Variants in TP53I3 observed in about 807,000 individuals in gnomAD.
TP53I3 encodes tumor protein p53 inducible protein 3.
A neutral mutation model predicts 27.7 loss-of-function variants in TP53I3; 32 were observed. The ratio of observed to expected loss-of-function variants is 1.16; its 90% CI spans 0.87 to 1.55. The LOEUF (loss-of-function observed/expected upper bound fraction) is 1.55, where lower values mean the gene tolerates loss of function less well. TP53I3 is among the 40% of genes most tolerant of loss of function. TP53I3 has a pLI of 0.00. For missense variants in TP53I3, 372 were observed against 412.3 expected, an observed-to-expected ratio of 0.90 and a Z score of 0.85; for synonymous variants, 138 against 167.8, an observed-to-expected ratio of 0.82 and a Z score of 1.37.
chr2:24,080,994 T>G lies in TP53I3; in HGVS notation c.444A>C (p.Ala148=). The change falls in exon 3 of 5, where the codon GCA becomes GCC. Residue 148 remains alanine (A), a synonymous_variant. Coordinates refer to ENST00000238721, the MANE Select transcript of TP53I3 (RefSeq NM_004881.5). This position sits in a 1 kb window ranked among gnomAD's most constrained non-coding sequence, Gnocchi z 4.7. ...VQAGDYVLIH[A]GLSGVGTAAI... ...CAGCTGTGCCCACACCACTCAGTCC[T>G]GCATGGATTAGCACATAGTCTCCAG... 1 of 1,614,216 alleles carries G rather than the reference T, an allele frequency of 6.2e-7. No homozygotes were observed. Among genetic ancestry groups the G allele is most frequent in the South Asian group, 1.1e-5 (1 of 91,088 alleles).
chr2:24,082,869 A>G lies in TP53I3; in HGVS notation c.406+16T>C. 6.3e-7 allele frequency: 1 copy of G among 1,593,542 alleles called. No homozygotes were observed. The highest frequency in any genetic ancestry group is 8.6e-7 in the Non-Finnish European group (1 of 1,168,210). On this transcript the variant is annotated intron_variant, in intron 2 of 4. Coordinates refer to ENST00000238721, the MANE Select transcript of TP53I3 (RefSeq NM_004881.5). Reference sequence around the variant, plus strand: ...TTGAGCCACATTGTGTGGAGTGAGCATGGAGGCCTCCTCACCCACAAGATG... The same window carrying G: ...TTGAGCCACATTGTGTGGAGTGAGCGTGGAGGCCTCCTCACCCACAAGATG...
At position 24,080,647 on chromosome 2, in the gene TP53I3, T is replaced by C. The variant is rs1182689467; in HGVS notation, c.619+172A>G. 2 of 715,532 alleles carry C rather than the reference T, an allele frequency of 2.8e-6. No homozygotes were observed. The highest frequency in any genetic ancestry group is 4.9e-5 in the East Asian group (2 of 40,438). 44.3% of individuals were successfully genotyped at this position (715,532 alleles called of 1,614,324 possible). A position where few individuals can be genotyped will look rare whatever the true frequency, so the allele number is the denominator to read the frequency against. ...ATGGAAACCATCTTAGATTTAAATA[T>C]GACTGCCTGTCTCCAGTGGTCAAAT... On this transcript the variant is annotated intron_variant, in intron 3 of 4. Coordinates refer to ENST00000238721, the MANE Select transcript of TP53I3 (RefSeq NM_004881.5). The surrounding 1 kb of genome is among the most constrained non-coding windows in gnomAD (Gnocchi z 4.7).
chr2:24,080,651 T>G lies in TP53I3; in HGVS notation c.619+168A>C. ...AAACCATCTTAGATTTAAATATGAC[T>G]GCCTGTCTCCAGTGGTCAAATACCA... On this transcript the variant is annotated intron_variant, in intron 3 of 4. Coordinates refer to ENST00000238721, the MANE Select transcript of TP53I3 (RefSeq NM_004881.5). The surrounding 1 kb of genome is among the most constrained non-coding windows in gnomAD (Gnocchi z 4.7). 1 of 723,774 alleles carries G rather than the reference T, an allele frequency of 1.4e-6. No homozygotes were observed. Among genetic ancestry groups the G allele is most frequent in the Non-Finnish European group, 2.4e-6 (1 of 412,298 alleles). 44.8% of individuals were successfully genotyped at this position (723,774 alleles called of 1,614,324 possible). A position where few individuals can be genotyped will look rare whatever the true frequency, so the allele number is the denominator to read the frequency against.
intron 2 of TP53I3, among the ~76,000 whole-genome samples, chr2:24,082,036 C>G (rs903331893): frequency 6.6e-6 from 1 of 152,128 alleles, no homozygotes; most frequent in African/African-American, 2.4e-5. Context: ...ACTCTACTGC[C>G]CAGGCTGGAG....
At chr2:24,081,816 T>C (rs10153901) in intron 2 of TP53I3, among the ~76,000 whole-genome samples, 18,049 of 150,006 alleles carry the variant, frequency 0.12, 1,250 homozygotes, top group South Asian at 0.18. Flanking sequence ...TTGCCTCAGC[T>C]TCCTGAGTAG....
rs370432179 is a variant in TP53I3 at position 24,082,951 on chromosome 2, T to C, written c.340A>G (p.Thr114Ala). The C allele has an allele frequency of 6.2e-7, 1 of 1,613,934 alleles. No homozygotes were observed. Among genetic ancestry groups the C allele is most frequent in the Non-Finnish European group, 8.5e-7 (1 of 1,180,000 alleles). ...GLLMPIPEGL[T>A]LTQAAAIPEA... ...GGGATGGCTGCAGCCTGGGTCAGGG[T>C]CAATCCCTCTGGGATAGGCATGAGG... The change falls in exon 2 of 5, where the codon ACC becomes GCC. Residue 114 changes from threonine (T) to alanine (A), a missense_variant. Coordinates refer to ENST00000238721, the MANE Select transcript of TP53I3 (RefSeq NM_004881.5).
In TP53I3 at chr2:24,077,793, G is replaced by C. The variant is rs1454765992; in HGVS notation, c.817-32C>G. ...CAAGGGAAAGGAGATCATCAGCCTGGGGAGAGAGCCTCACCCTGCCCTCCT... is the reference window on the plus strand; with the variant it reads ...CAAGGGAAAGGAGATCATCAGCCTGCGGAGAGAGCCTCACCCTGCCCTCCT... On this transcript the variant is annotated intron_variant, in intron 4 of 4. Coordinates refer to ENST00000238721, the MANE Select transcript of TP53I3 (RefSeq NM_004881.5). This position sits in a 1 kb window ranked among gnomAD's most constrained non-coding sequence, Gnocchi z 5.5. 1.3e-6 allele frequency: 2 copies of C among 1,593,238 alleles called. No individual in the cohort carries two copies. Among genetic ancestry groups the C allele is most frequent in the South Asian group, 1.1e-5 (1 of 87,720 alleles).
intron 3 of TP53I3, among the ~76,000 whole-genome samples, chr2:24,079,925 AC>A (rs968433862): frequency 3.3e-5 from 5 of 152,348 alleles, no homozygotes; most frequent in African/African-American, 1.2e-4. Context: ...TCCCACTGAC[AC>A]CCAGGCACGA....
intron 4 of TP53I3, among the ~76,000 whole-genome samples, chr2:24,078,480 T>TAA (rs36089798): frequency 1.5e-3 from 153 of 104,902 alleles, no homozygotes; most frequent in African/African-American, 5.1e-3. Flanking sequence ...CCTGTCTCCA[T>TAA]AAAAAAAAAA....
rs1237620970 is a variant in TP53I3 at position 24,084,456 on chromosome 2, C to A, written c.-130G>T. The A allele has an allele frequency of 8.2e-7, 1 of 1,217,786 alleles. No homozygotes were observed. The highest frequency in any genetic ancestry group is 1.1e-6 in the Non-Finnish European group (1 of 926,086). The allele number at this position is 1,217,786 out of a possible 1,614,324, so 75.4% of individuals were successfully genotyped here. A position where few individuals can be genotyped will look rare whatever the true frequency, so the allele number is the denominator to read the frequency against. On this transcript the variant is annotated 5_prime_UTR_variant, in exon 1 of 5. Coordinates refer to ENST00000238721, the MANE Select transcript of TP53I3 (RefSeq NM_004881.5). This position sits in a 1 kb window ranked among gnomAD's most constrained non-coding sequence, Gnocchi z 8.4. ...CCTCGCGGAGCAGCCCAGCCTCAGGCTGGCACCGCAGCGCCCCCTGCCGGC... is the reference window on the plus strand; with the variant it reads ...CCTCGCGGAGCAGCCCAGCCTCAGGATGGCACCGCAGCGCCCCCTGCCGGC...
intron 3 of TP53I3, 74 bp from the exon 4 acceptor site, chr2:24,079,714 A>T: frequency 7.1e-7 from 1 of 1,410,828 alleles, no homozygotes; most frequent in Non-Finnish European, 9.9e-7. Context: ...TTTGGGGATT[A>T]TGGATATAAA....
At chr2:24,082,781 C>A (rs1665061949) in intron 2 of TP53I3, 104 bp downstream of exon 2, 1 of 1,416,034 alleles carries the variant, frequency 7.1e-7, no homozygotes, top group African/African-American at 1.4e-5. Flanking sequence ...ACAGGTGATA[C>A]AGGAAGGCCT....
chr2:24,080,801 G>C lies in TP53I3; in HGVS notation c.619+18C>G, dbSNP rs561085987. On this transcript the variant is annotated intron_variant, in intron 3 of 4. Transcript: ENST00000238721. This position sits in a 1 kb window ranked among gnomAD's most constrained non-coding sequence, Gnocchi z 4.7. ...TCATCTCTTAAATTCCTGCTGAACT[G>C]TAGAAGCAGTTGTTTACCTTTGGTG... The C allele has an allele frequency of 1.9e-6, 3 of 1,613,798 alleles. No homozygotes were observed. The highest frequency in any genetic ancestry group is 2.5e-6 in the Non-Finnish European group (3 of 1,179,718).
chr2:24,077,952 G>A lies in TP53I3; in HGVS notation c.817-191C>T, dbSNP rs1294577455. 1.3e-5 allele frequency among the ~76,000 whole-genome samples: 2 copies of A among 152,170 alleles called. No homozygotes were observed. The highest frequency in any genetic ancestry group is 2.9e-5 in the Non-Finnish European group (2 of 68,030). ...TCATGTGCCATCTCAGAATATGTCC[G>A]ATAGGTATATTGTTAATTTTGAGGT... On this transcript the variant is annotated intron_variant, in intron 4 of 4. Coordinates refer to ENST00000238721, the MANE Select transcript of TP53I3 (RefSeq NM_004881.5). The surrounding 1 kb of genome is among the most constrained non-coding windows in gnomAD (Gnocchi z 5.5).
chr2:24,083,083 C>T lies in TP53I3; in HGVS notation c.208G>A (p.Ala70Thr). Residue 70 changes from alanine (A) to threonine (T), a missense_variant, in exon 2 of 5, where the codon GCA becomes ACA. Coordinates refer to ENST00000238721, the MANE Select transcript of TP53I3 (RefSeq NM_004881.5). Reference protein sequence around the residue: ...ILGLEASGHVAELGPGCQGHW... With the variant: ...ILGLEASGHVTELGPGCQGHW... Reference sequence around the variant, plus strand: ...CCCTGGCAGCCAGGCCCCAGCTCTGCCACATGTCCAGATGCCTCAAGTCCC... The same window carrying T: ...CCCTGGCAGCCAGGCCCCAGCTCTGTCACATGTCCAGATGCCTCAAGTCCC... The T allele has an allele frequency of 1.2e-6, 2 of 1,614,162 alleles. No homozygotes were observed. The highest frequency in any genetic ancestry group is 2.2e-5 in the South Asian group (2 of 91,082).
chr2:24,084,170 G>A lies in TP53I3; in HGVS notation c.138+19C>T, dbSNP rs1213098574. ...GCTCTGGAGTCCCGCCCGCCCCGGC[G>A]CGGCTGAGCCCTGGGTACCTGCATT... On this transcript the variant is annotated intron_variant, in intron 1 of 4. Coordinates refer to ENST00000238721, the MANE Select transcript of TP53I3 (RefSeq NM_004881.5). The surrounding 1 kb of genome is among the most constrained non-coding windows in gnomAD (Gnocchi z 8.4). 7.5e-6 allele frequency: 12 copies of A among 1,599,530 alleles called. No individual in the cohort carries two copies. The highest frequency in any genetic ancestry group is 6.7e-5 in the African/African-American group (5 of 74,650).
chr2:24,080,644 A>G lies in TP53I3; in HGVS notation c.619+175T>C. 1.4e-6 allele frequency: 1 copy of G among 710,620 alleles called. No homozygotes were observed. Among genetic ancestry groups the G allele is most frequent in the South Asian group, 1.7e-5 (1 of 57,306 alleles). 44.0% of individuals were successfully genotyped at this position (710,620 alleles called of 1,614,324 possible). On this transcript the variant is annotated intron_variant, in intron 3 of 4. Transcript: ENST00000238721. This position sits in a 1 kb window ranked among gnomAD's most constrained non-coding sequence, Gnocchi z 4.7. ...CACATGGAAACCATCTTAGATTTAAATATGACTGCCTGTCTCCAGTGGTCA... is the reference window on the plus strand; with the variant it reads ...CACATGGAAACCATCTTAGATTTAAGTATGACTGCCTGTCTCCAGTGGTCA...
At chr2:24,081,833 C>T (rs1271940854) in intron 2 of TP53I3, among the ~76,000 whole-genome samples, 3 of 151,580 alleles carry the variant, frequency 2.0e-5, no homozygotes, top group African/African-American at 7.3e-5. Context: ...GTAGCTGGGA[C>T]TACAGGTGCC....
chr2:24,079,273 A>G, intron 4 of TP53I3, 171 bp downstream of exon 4: 1 of 640,412 alleles, frequency 1.6e-6, no homozygotes, highest in Non-Finnish European at 2.7e-6. Context: ...TCTATCAACC[A>G]ATCTGAATCA....
Sources: gnomAD v4.1 joint callset for allele counts (sites outside exome capture counted in the v4.1 genomes callset) on GRCh38, gnomAD v4.1.1 for gene constraint, Gnocchi (gnomAD v3.1) non-coding constraint, MANE v1.5 for transcripts, NCBI Gene and HGNC (gene_info 2026-07-23, HGNC 2026-07-21) for gene names.